LAMC3: variants seen among roughly 807,000 people sequenced by gnomAD.
LAMC3 encodes laminin subunit gamma-3.
A neutral mutation model predicts 173.8 loss-of-function variants in LAMC3; 128 were observed. The ratio of observed to expected loss-of-function variants is 0.74; its 90% CI spans 0.64 to 0.85. The LOEUF (loss-of-function observed/expected upper bound fraction) is 0.85, where lower values mean the gene tolerates loss of function less well. Ranked by LOEUF, LAMC3 falls within the 40% of genes least tolerant of loss-of-function variation. LAMC3 has a pLI of 0.00. For missense variants in LAMC3, 2,022 were observed against 2,156.0 expected (o/e 0.94, Z 1.23); for synonymous variants, 897 against 909.1 (o/e 0.99, Z 0.24).
chr9:131,069,724 C>T lies in LAMC3; in HGVS notation c.2943C>T (p.Gly981=). ...CCTCGGCCCAGTGCCACGAGAACGG[C>T]ACATGCGTGTGCAGGCCTGGCTTCG... ...GAASAQCHEN[G]TCVCRPGFEG... The change falls in exon 17 of 28, where the codon GGC becomes GGT. Residue 981 remains glycine, a synonymous_variant. Coordinates refer to ENST00000361069, the MANE Select transcript of LAMC3 (RefSeq NM_006059.4). 6.2e-7 allele frequency: 1 copy of T among 1,603,614 alleles called. No homozygotes were observed. Among genetic ancestry groups the T allele is most frequent in the Non-Finnish European group, 8.5e-7 (1 of 1,176,032 alleles).
intron 13 of LAMC3, among the ~76,000 whole-genome samples, chr9:131,066,219 G>A (rs1415636925): frequency 6.6e-6 from 1 of 151,434 alleles, no homozygotes; most frequent in Non-Finnish European, 1.5e-5. Flanking sequence ...AGCCGGTTGT[G>A]GTGGCTCACG....
intron 3 of LAMC3, among the ~76,000 whole-genome samples, chr9:131,032,578 CGCTT>C (rs1179183213): frequency 8.6e-4 from 121 of 141,170 alleles, no homozygotes; most frequent in African/African-American, 3.6e-3. Flanking sequence ...TGCTCTCTCT[CGCTT>C]GCTCTCTTTC....
intron 23 of LAMC3, among the ~76,000 whole-genome samples, chr9:131,080,565 G>C: frequency 6.6e-6 from 1 of 152,094 alleles, no homozygotes; most frequent in East Asian, 1.9e-4. Context: ...TTACAGGCAC[G>C]AGCCATCACA....
chr9:131,039,501 T>C (rs1321431461), intron 6 of LAMC3, among the ~76,000 whole-genome samples: 1 of 150,624 alleles, frequency 6.6e-6, no homozygotes, highest in East Asian at 2.0e-4. Flanking sequence ...CTGTAGGAGG[T>C]GCTGCATAAG....
At chr9:131,037,568 A>G (rs1412990279) in intron 4 of LAMC3, among the ~76,000 whole-genome samples, 1 of 152,070 alleles carries the variant, frequency 6.6e-6, no homozygotes, top group Non-Finnish European at 1.5e-5. Context: ...CAGTGGCCCA[A>G]TCATAGCTCA....
chr9:131,047,134 G>T, intron 8 of LAMC3, among the ~76,000 whole-genome samples: 1 of 144,086 alleles, frequency 6.9e-6, no homozygotes, highest in Admixed American at 7.0e-5. Flanking sequence ...TTGCGCAGGA[G>T]TTCTCAAAAC....
At chr9:131,015,605 C>G (rs772709132) in intron 1 of LAMC3, among the ~76,000 whole-genome samples, 8 of 152,278 alleles carry the variant, frequency 5.3e-5, no homozygotes, top group South Asian at 4.2e-4. Context: ...TGCAAGGGCC[C>G]CCGTGTGCAA....
chr9:131,014,222 C>G (rs998648046), intron 1 of LAMC3, among the ~76,000 whole-genome samples: 4 of 152,268 alleles, frequency 2.6e-5, no homozygotes, highest in African/African-American at 9.6e-5. Flanking sequence ...TCCCACACTG[C>G]CCTTCAGCAA....
chr9:131,031,333 T>C (rs1833819321), intron 2 of LAMC3, among the ~76,000 whole-genome samples: 3 of 152,154 alleles, frequency 2.0e-5, no homozygotes, highest in Admixed American at 6.5e-5. Flanking sequence ...CGCTCTTCCA[T>C]GGGGAAGCTG....
At chr9:131,086,038 A>G (rs939726913) in intron 25 of LAMC3, among the ~76,000 whole-genome samples, 1 of 151,792 alleles carries the variant, frequency 6.6e-6, no homozygotes, top group Non-Finnish European at 1.5e-5. Context: ...TGTTATTTTG[A>G]AGTTTGCGTT....
chr9:131,041,576 G>A, intron 6 of LAMC3, 61 bp from the exon 7 acceptor site: 2 of 1,442,950 alleles, frequency 1.4e-6, no homozygotes, highest in Admixed American at 1.8e-5. Flanking sequence ...TCCTAGGATG[G>A]GCTGTTGCCA....
intron 27 of LAMC3, among the ~76,000 whole-genome samples, chr9:131,089,892 G>A (rs1830394407): frequency 2.6e-5 from 4 of 152,188 alleles, no homozygotes; most frequent in African/African-American, 9.7e-5. Context: ...TTTGACGCAA[G>A]GACAGTTATT....
At chr9:131,056,227 C>A (rs1187696972) in intron 11 of LAMC3, among the ~76,000 whole-genome samples, 1 of 151,956 alleles carries the variant, frequency 6.6e-6, no homozygotes, top group East Asian at 1.9e-4. Context: ...CAAGAAAAAT[C>A]TTAAAACCTT....
chr9:131,069,621 A>G lies in LAMC3; in HGVS notation c.2891-51A>G, dbSNP rs956551396. ...CCTGGCCCCTCTAAACCCAGCACGC[A>G]CTGCCCCTGGCCCCTCTAAACCCAG... On this transcript the variant is annotated intron_variant, in intron 16 of 27. Transcript: ENST00000361069. The G allele has an allele frequency of 7.7e-6, 12 of 1,558,750 alleles. No individual in the cohort carries two copies. The African/African-American group carries it at 1.1e-4, about 14-fold the overall frequency.
chr9:131,066,936 C>A, intron 13 of LAMC3, 24 bp from the exon 14 acceptor site: 1 of 1,612,464 alleles, frequency 6.2e-7, no homozygotes, highest in South Asian at 1.1e-5. Flanking sequence ...CTGTGTTCCC[C>A]ACACGTGCTC....
rs1833725122 is a variant in LAMC3, at chr9:131,026,721, AT to A, written c.678+137del. 2.9e-6 allele frequency: 4 copies of A among 1,395,908 alleles called. No homozygotes were observed. The Admixed American group carries it at 8.6e-5, about 30-fold the overall frequency. The allele number at this position is 1,395,908 out of a possible 1,614,324, so 86.5% of individuals were successfully genotyped here. Reference sequence around the variant, plus strand: ...CCCATGGTTTTCTTTTTCTTCTTTTATTTTTGGAGACTGAGTCTTGCTCTGT... The same window carrying A: ...CCCATGGTTTTCTTTTTCTTCTTTTATTTTGGAGACTGAGTCTTGCTCTGT... On this transcript the variant is annotated intron_variant, in intron 2 of 27. Transcript: ENST00000361069. The surrounding 1 kb of genome is among the most constrained non-coding windows in gnomAD (Gnocchi z 4.8).
intron 8 of LAMC3, among the ~76,000 whole-genome samples, chr9:131,047,163 C>CTTTTTTTTTTT (rs781187472): frequency 2.1e-5 from 1 of 48,554 alleles, no homozygotes; most frequent in African/African-American, 7.0e-5. Context: ...CTCTGAATTC[C>CTTTTTTTTTTT]TCTTTTTTTT....
chr9:131,046,859 G>A (rs945505415), intron 8 of LAMC3, among the ~76,000 whole-genome samples: 1 of 147,570 alleles, frequency 6.8e-6, no homozygotes, highest in African/African-American at 2.4e-5. Context: ...TGAAACAGAA[G>A]AACCTCAGGG....
intron 12 of LAMC3, among the ~76,000 whole-genome samples, chr9:131,058,498 C>T (rs1364463298): frequency 6.6e-6 from 1 of 152,114 alleles, no homozygotes; most frequent in African/African-American, 2.4e-5. Flanking sequence ...GGACTCAGAC[C>T]TCTTCCACTC....
Sources: gnomAD v4.1 joint callset for allele counts (sites outside exome capture counted in the v4.1 genomes callset) on GRCh38, gnomAD v4.1.1 for gene constraint, Gnocchi (gnomAD v3.1) non-coding constraint, MANE v1.5 for transcripts, NCBI Gene and HGNC (gene_info 2026-07-23, HGNC 2026-07-21) for gene names.